The following FGFR1 variants were observed in gnomAD, a reference collection of about 807,000 sequenced individuals.
FGFR1 encodes FGFR1/PLAG1 fusion.
A neutral mutation model predicts 93.7 loss-of-function variants in FGFR1; 18 were observed. The observed-to-expected ratio is 0.19, with a 90% CI of 0.13 to 0.28. The LOEUF is 0.28. FGFR1 is among the 10% of genes least tolerant of loss of function. FGFR1 has a pLI of 1.00. For synonymous variants in FGFR1, 448 were observed against 429.3 expected (o/e 1.04, Z -0.54); for missense variants, 731 against 1,080.4 (o/e 0.68, Z 4.53).
At chr8:38,443,773 G>A (rs974103948) in intron 2 of FGFR1, among the ~76,000 whole-genome samples, 1 of 151,978 alleles carries the variant, frequency 6.6e-6, no homozygotes, top group Non-Finnish European at 1.5e-5. Context: ...ATTAGATGGC[G>A]CTGGGCTCGG....
rs1260119138 is a variant in FGFR1, at chr8:38,418,224, T to C, written c.1430+4A>G. 4 of 1,614,198 alleles carry C rather than the reference T, an allele frequency of 2.5e-6. No homozygotes were observed. The highest frequency in any genetic ancestry group is 1.7e-5 in the Admixed American group (1 of 60,030). ...CAAAAAGTTGGGAGTCAAAGTATTA[T>C]TACCTGTCCCGAGGCAGCTCCCAGC... On this transcript the variant is annotated splice_donor_region_variant and intron_variant, in intron 10 of 17. Transcript: ENST00000447712.
intron 12 of FGFR1, among the ~76,000 whole-genome samples, chr8:38,416,438 T>C (rs1259250340): frequency 2.2e-5 from 3 of 139,336 alleles, no homozygotes; most frequent in East Asian, 4.4e-4. Flanking sequence ...GCATGAACAA[T>C]GCCTGGCTAA....
intron 2 of FGFR1, among the ~76,000 whole-genome samples, chr8:38,441,981 C>G (rs1827638478): frequency 6.6e-6 from 1 of 152,154 alleles, no homozygotes; most frequent in African/African-American, 2.4e-5. Flanking sequence ...TAGACCTCCA[C>G]CCAGAAACAT....
chr8:38,429,307 GCCGAGTA>G lies in FGFR1; in HGVS notation c.358+368_358+374del, dbSNP rs774432284. ...CCTGTTCAGGGCCTCTAATCACTAA[GCCGAGTA>G]CCAAGTCCAAATGGCAAGGGAGTGA... On this transcript the variant is annotated intron_variant, in intron 3 of 17. Transcript: ENST00000447712. The surrounding 1 kb of genome is among the most constrained non-coding windows in gnomAD (Gnocchi z 4.4). 2 of 552,598 alleles carry G rather than the reference GCCGAGTA, an allele frequency of 3.6e-6. No individual in the cohort carries two copies. Among genetic ancestry groups the G allele is most frequent in the East Asian group, 4.7e-5 (1 of 21,060 alleles). 34.2% of individuals were successfully genotyped at this position (552,598 alleles called of 1,614,324 possible). A position where few individuals can be genotyped will look rare whatever the true frequency, so the allele number is the denominator to read the frequency against.
chr8:38,423,311 A>ATTT, intron 7 of FGFR1: 42 of 351,698 alleles, frequency 1.2e-4, no homozygotes, highest in East Asian at 1.7e-4. Flanking sequence ...TTTCCCTTTT[A>ATTT]GTTTTTTTTT....
chr8:38,420,020 C>G (rs1408988575), intron 8 of FGFR1: 2 of 450,984 alleles, frequency 4.4e-6, no homozygotes, highest in African/African-American at 2.0e-5. Flanking sequence ...CCTTGCTCAG[C>G]TGGACTGGAG....
Position 38,417,889 on chromosome 8 carries a change from C to G in FGFR1, c.1533G>C (p.Val511=), listed in dbSNP as rs374922798. 8 of 1,614,068 alleles carry G rather than the reference C, an allele frequency of 5.0e-6. No homozygotes were observed. The African/African-American group carries it at 1.1e-4, about 22-fold the overall frequency. The change falls in exon 11 of 18, where the codon GTG becomes GTC. Residue 511 remains valine, a synonymous_variant. Coordinates refer to ENST00000447712, the MANE Select transcript of FGFR1 (RefSeq NM_023110.3). ...ACTTACACTTCAACATCTTCACAGC[C>G]ACTTTGGTCACACGGTTGGGTTTGT... ...DKDKPNRVTK[V]AVKMLKSDAT... is the part of the protein sequence containing the mutation.
chr8:38,443,426 G>C (rs536803145), intron 2 of FGFR1, among the ~76,000 whole-genome samples: 45 of 151,506 alleles, frequency 3.0e-4, no homozygotes, highest in African/African-American at 1.1e-3. Context: ...TCGGGAGGCT[G>C]AGGTGAGAGG....
intron 8 of FGFR1, among the ~76,000 whole-genome samples, chr8:38,420,741 C>T (rs1818435733): frequency 6.6e-6 from 1 of 152,192 alleles, no homozygotes; most frequent in African/African-American, 2.4e-5. Context: ...CACCAGCCAA[C>T]CATGGAGGCG....
At chr8:38,419,783 A>C in intron 8 of FGFR1, 48 bp from the exon 9 acceptor site, 10 of 1,546,144 alleles carry the variant, frequency 6.5e-6, no homozygotes, top group Non-Finnish European at 8.9e-6. Context: ...GGCCCCGTCC[A>C]TGCGAGGTCC....
intron 1 of FGFR1, among the ~76,000 whole-genome samples, chr8:38,457,919 G>A (rs1355912150): frequency 6.6e-6 from 1 of 152,156 alleles, no homozygotes; most frequent in Non-Finnish European, 1.5e-5. Context: ...GGAGGCGAAG[G>A]ATGCAGTGAG....
At chr8:38,457,222 G>T in intron 2 of FGFR1, 134 bp downstream of exon 2, 1 of 958,012 alleles carries the variant, frequency 1.0e-6, no homozygotes, top group Non-Finnish European at 1.6e-6. Context: ...TCTCCTACAG[G>T]AAGGGAGTTC....
rs1817505577 is a variant in FGFR1, at chr8:38,418,355, C to A, written c.1303G>T (p.Ala435Ser). ...AGAAGAACCCCAGAGTTCATGGATG[C>A]ACTGGAGTCAGCAGACACCTGCAAG... ...RQVTVSADSSASMNSGVLLVR... is the reference protein window; with the variant it reads ...RQVTVSADSSSSMNSGVLLVR... Residue 435 changes from alanine to serine, a missense_variant, in exon 10 of 18, where the codon GCA becomes TCA. Coordinates refer to ENST00000447712, the MANE Select transcript of FGFR1 (RefSeq NM_023110.3). The A allele has an allele frequency of 6.2e-6, 10 of 1,614,074 alleles. No individual in the cohort carries two copies. Among genetic ancestry groups the A allele is most frequent in the Non-Finnish European group, 8.5e-6 (10 of 1,179,974 alleles).
intron 2 of FGFR1, among the ~76,000 whole-genome samples, chr8:38,430,991 T>C (rs560231234): frequency 5.6e-4 from 86 of 152,314 alleles, no homozygotes; most frequent in Non-Finnish European, 9.0e-4. Flanking sequence ...ATGAACTTTC[T>C]ATTTCCTTTT....
intron 2 of FGFR1, chr8:38,440,442 AGG>A: frequency 2.3e-6 from 3 of 1,329,232 alleles, no homozygotes; most frequent in Non-Finnish European, 3.1e-6. Flanking sequence ...CCCAAATAGA[AGG>A]AGAGCTGCAA....
chr8:38,441,181 C>T (rs1038448838), intron 2 of FGFR1, among the ~76,000 whole-genome samples: 4 of 152,016 alleles, frequency 2.6e-5, no homozygotes, highest in African/African-American at 9.7e-5. Flanking sequence ...TCTTAAAAGA[C>T]AGAGGGACTC....
At chr8:38,420,806 T>G (rs1188207100) in intron 8 of FGFR1, among the ~76,000 whole-genome samples, 1 of 152,100 alleles carries the variant, frequency 6.6e-6, no homozygotes, top group African/African-American at 2.4e-5. Flanking sequence ...GACCCTAGAC[T>G]GAGCCCAGAG....
rs1392191266 is a variant in FGFR1, at chr8:38,461,228, A to C, written c.-88-3694T>G. ...TGGTGAGATAGCAGGGGCTGGACGGACCACGTGACCTTGAAGCTCTCCCAC... is the reference window on the plus strand; with the variant it reads ...TGGTGAGATAGCAGGGGCTGGACGGCCCACGTGACCTTGAAGCTCTCCCAC... On this transcript the variant is annotated intron_variant, in intron 1 of 17. Transcript: ENST00000447712. 11 of 1,159,462 alleles carry C rather than the reference A, an allele frequency of 9.5e-6. No individual in the cohort carries two copies. In the Admixed American group the frequency reaches 2.0e-4, roughly 21 times the overall value. 71.8% of individuals were successfully genotyped at this position (1,159,462 alleles called of 1,614,324 possible).
chr8:38,416,138 C>G, intron 12 of FGFR1, 78 bp from the exon 13 acceptor site: 1 of 1,314,804 alleles, frequency 7.6e-7, no homozygotes, highest in Non-Finnish European at 1.1e-6. Flanking sequence ...AACCCCACCC[C>G]CAGCAGCACA....
Sources: allele counts gnomAD v4.1 joint callset (sites outside exome capture counted in the v4.1 genomes callset), GRCh38; gene constraint gnomAD v4.1.1; non-coding constraint Gnocchi (gnomAD v3.1); transcripts MANE v1.5; gene names NCBI Gene and HGNC (gene_info 2026-07-23, HGNC 2026-07-21).